The following SIGLEC8 variants were observed in gnomAD, a reference collection of about 807,000 sequenced individuals.
SIGLEC8 encodes the protein sialic acid-binding Ig-like lectin 8.
In SIGLEC8, 32 loss-of-function variants were observed where a neutral mutation model predicts 42.1. The ratio of observed to expected loss-of-function variants is 0.76; its 90% CI spans 0.57 to 1.02. SIGLEC8 has a LOEUF of 1.02. Ranked by LOEUF, SIGLEC8 falls within the 50% of genes least tolerant of loss-of-function variation. The probability of loss-of-function intolerance (pLI) is 0.00; values close to 1 mark genes in which losing one functional copy is unlikely to be tolerated. For synonymous variants in SIGLEC8, 262 were observed against 260.3 expected (o/e 1.01, Z -0.06); for missense variants, 611 against 610.2 (o/e 1.00, Z -0.01).
chr19:51,453,221 T>C (rs1480736719), intron 6 of SIGLEC8, among the ~76,000 whole-genome samples: 3 of 151,906 alleles, frequency 2.0e-5, no homozygotes, highest in African/African-American at 7.3e-5. Flanking sequence ...CCCAAGTAGC[T>C]GGGACTGCAG....
chr19:51,454,219 C>T lies in SIGLEC8; in HGVS notation c.1245G>A (p.Gln415=). ...DAKAIRGSAS[Q]GPLTESWKDG... is the part of the protein sequence containing the mutation. ...GTGTGGAGAAGCCCACATCACTCAC[C>T]TGAGAGGCCGAGCCCCTGATGGCCT... The change falls in exon 6 of 7, where the codon CAG becomes CAA. Residue 415 remains glutamine (Q), a splice_region_variant and synonymous_variant. Transcript: ENST00000321424. This position sits in a 1 kb window ranked among gnomAD's most constrained non-coding sequence, Gnocchi z 4.7. The T allele has an allele frequency of 6.2e-7, 1 of 1,614,118 alleles. No individual in the cohort carries two copies. The highest frequency in any genetic ancestry group is 1.3e-5 in the African/African-American group (1 of 75,050).
chr19:51,454,742 C>T lies in SIGLEC8; in HGVS notation c.1090G>A (p.Val364Ile), dbSNP rs1246908075. ...RPVSQVTLAAVGGAGATALAF... is the reference protein window; with the variant it reads ...RPVSQVTLAAIGGAGATALAF... ...AGGGCTGTGGCTCCAGCTCCCCCGA[C>T]TGCTGCCAGTGTCACTTGTGATACA... The change falls in exon 5 of 7, where the codon GTC becomes ATC. Residue 364 changes from valine to isoleucine, a missense_variant. By Grantham distance (29) the Val-to-Ile change is conservative (BLOSUM62 3). Coordinates refer to ENST00000321424, the MANE Select transcript of SIGLEC8 (RefSeq NM_014442.3). This position sits in a 1 kb window ranked among gnomAD's most constrained non-coding sequence, Gnocchi z 4.7. 6.2e-7 allele frequency: 1 copy of T among 1,613,760 alleles called. No homozygotes were observed. Among genetic ancestry groups the T allele is most frequent in the Admixed American group, 1.7e-5 (1 of 60,010 alleles).
At chr19:51,455,895 A>G (rs1490509189) in intron 3 of SIGLEC8, among the ~76,000 whole-genome samples, 5 of 152,216 alleles carry the variant, frequency 3.3e-5, no homozygotes. Flanking sequence ...CTATGCAGCC[A>G]CAAAAAATGA....
chr19:51,454,174 G>A lies in SIGLEC8; in HGVS notation c.1245+45C>T. On this transcript the variant is annotated intron_variant, in intron 6 of 6. Transcript: ENST00000321424. This position sits in a 1 kb window ranked among gnomAD's most constrained non-coding sequence, Gnocchi z 4.7. The stretch of plus-strand genomic sequence containing the variant: ...GATCCTGGGGGCCATCCTGTCAGAG[G>A]TGTCCAGGCTGGATGCTCGGTGTGG... 1 of 1,612,528 alleles carries A rather than the reference G, an allele frequency of 6.2e-7. No individual in the cohort carries two copies. The highest frequency in any genetic ancestry group is 1.3e-5 in the African/African-American group (1 of 74,932).
rs1989375047 is a variant in SIGLEC8, at chr19:51,452,072, AT to A, written c.*306del. 1 of 223,322 alleles carries A rather than the reference AT, an allele frequency of 4.5e-6. No individual in the cohort carries two copies. Among genetic ancestry groups the A allele is most frequent in the African/African-American group, 2.3e-5 (1 of 44,276 alleles). The allele number at this position is 223,322 out of a possible 1,614,324, so 13.8% of individuals were successfully genotyped here. On this transcript the variant is annotated 3_prime_UTR_variant, in exon 7 of 7. Transcript: ENST00000321424. ...AACTCCATCTCTCAAAGAAAAAAAA[AT>A]ATTCAGTGCTTGATTCTGTCATTTG...
Position 51,452,548 on chromosome 19 carries a change from T to C in SIGLEC8, c.1331A>G (p.Glu444Gly). ...AVAPSSGEEG[E>G]LHYATLSFHK... Reference sequence around the variant, plus strand: ...GAAGCTGAGGGTTGCATAATGGAGCTCTCCTTCCTCCCCTGACGAGGGGGC... The same window carrying C: ...GAAGCTGAGGGTTGCATAATGGAGCCCTCCTTCCTCCCCTGACGAGGGGGC... The change falls in exon 7 of 7, where the codon GAG becomes GGG. Residue 444 changes from glutamate (E) to glycine (G), a missense_variant. By Grantham distance (98) the Glu-to-Gly change is moderately conservative. Transcript: ENST00000321424. The C allele has an allele frequency of 1.3e-6, 2 of 1,592,276 alleles. No homozygotes were observed. Among genetic ancestry groups the C allele is most frequent in the Non-Finnish European group, 1.7e-6 (2 of 1,162,398 alleles).
chr19:51,458,194 T>G lies in SIGLEC8; in HGVS notation c.194A>C (p.Tyr65Ser). The G allele has an allele frequency of 6.2e-7, 1 of 1,614,028 alleles. No homozygotes were observed. Among genetic ancestry groups the G allele is most frequent in the Non-Finnish European group, 8.5e-7 (1 of 1,179,982 alleles). ...TGGTCTGTCTCCTGCCCGGAACCAGTAGCCATGAACTGGGTCAGAGTCAGT... is the reference window on the plus strand; with the variant it reads ...TGGTCTGTCTCCTGCCCGGAACCAGGAGCCATGAACTGGGTCAGAGTCAGT... ...GWTDSDPVHG[Y>S]WFRAGDRPYQ... Residue 65 changes from tyrosine to serine, a missense_variant, in exon 1 of 7, where the codon TAC (tyrosine) becomes TCC (serine). Coordinates refer to ENST00000321424, the MANE Select transcript of SIGLEC8 (RefSeq NM_014442.3).
chr19:51,451,043 C>CG lies in SIGLEC8; in HGVS notation c.*1335dup, dbSNP rs1380332948. On this transcript the variant is annotated 3_prime_UTR_variant, in exon 7 of 7. Transcript: ENST00000321424. ...GTAATTGACTCACAGTTCCACATGG[C>CG]GGGGGAGGCCTCAGGAAACTTACAA... 6.6e-6 allele frequency: 1 copy of CG among 152,120 alleles called. No individual in the cohort carries two copies. Among genetic ancestry groups the CG allele is most frequent in the Non-Finnish European group, 1.5e-5 (1 of 68,042 alleles). The allele number at this position is 152,120 out of a possible 1,614,324, so 9.4% of individuals were successfully genotyped here.
rs1264129298 is a variant in SIGLEC8 at position 51,456,261 on chromosome 19, A to C, written c.782-574T>G. Among the ~76,000 whole-genome samples, 20 of 152,168 alleles carry C rather than the reference A, an allele frequency of 1.3e-4. 1 individual carries two copies. The highest frequency in any genetic ancestry group is 1.3e-3 in the Admixed American group (20 of 15,268). ...AAGGAGACAGAGGGTCAGAGAGACAAATGGATCCAGAGAAAGAGGAAGGAC... is the reference window on the plus strand; with the variant it reads ...AAGGAGACAGAGGGTCAGAGAGACACATGGATCCAGAGAAAGAGGAAGGAC... On this transcript the variant is annotated intron_variant, in intron 3 of 6. Coordinates refer to ENST00000321424, the MANE Select transcript of SIGLEC8 (RefSeq NM_014442.3).
chr19:51,453,745 A>G (rs1989423727), intron 6 of SIGLEC8: 5 of 984,158 alleles, frequency 5.1e-6, no homozygotes, highest in Non-Finnish European at 6.0e-6. Context: ...ATTATGATAC[A>G]ACGGGCAAAA....
At chr19:51,457,386 C>T (rs1989519582) in intron 2 of SIGLEC8, 75 bp downstream of exon 2, 1 of 1,574,770 alleles carries the variant, frequency 6.4e-7, no homozygotes, top group Admixed American at 1.7e-5. Flanking sequence ...AGTGTCCAGG[C>T]TTGAACCCCA....
Position 51,454,811 on chromosome 19 carries a change from T to A in SIGLEC8, c.1052-31A>T. On this transcript the variant is annotated intron_variant, in intron 4 of 6. Transcript: ENST00000321424. This position sits in a 1 kb window ranked among gnomAD's most constrained non-coding sequence, Gnocchi z 4.7. ...GATGGATTGGAGTTGCTTTGGGGAT[T>A]TATATCACGGAGAAGTGGGTCTCTT... The A allele has an allele frequency of 6.5e-7, 1 of 1,547,594 alleles. No individual in the cohort carries two copies. The highest frequency in any genetic ancestry group is 8.9e-7 in the Non-Finnish European group (1 of 1,119,780).
In SIGLEC8 at chr19:51,452,398, C is replaced by G. The variant is rs1450962694; in HGVS notation, c.1481G>C (p.Ser494Thr). ...QACLRNHNPSSKEVRG is the reference protein window; with the variant it reads ...QACLRNHNPSTKEVRG ...TGAGAATCAGCCTCTGACTTCTTTG[C>G]TGGAGGGGTTGTGATTCCTCAAACA... The change falls in exon 7 of 7, where the codon AGC (serine) becomes ACC (threonine). Residue 494 changes from serine to threonine, a missense_variant. By Grantham distance (58) the Ser-to-Thr change is moderately conservative. Coordinates refer to ENST00000321424, the MANE Select transcript of SIGLEC8 (RefSeq NM_014442.3). 1 of 1,603,270 alleles carries G rather than the reference C, an allele frequency of 6.2e-7. No individual in the cohort carries two copies. The highest frequency in any genetic ancestry group is 2.2e-5 in the East Asian group (1 of 44,534).
At position 51,452,297 on chromosome 19, in the gene SIGLEC8, A is replaced by G; in HGVS notation, c.*82T>C. The G allele has an allele frequency of 7.9e-7, 1 of 1,271,444 alleles. No individual in the cohort carries two copies. Among genetic ancestry groups the G allele is most frequent in the Non-Finnish European group, 1.1e-6 (1 of 921,950 alleles). 78.8% of individuals were successfully genotyped at this position (1,271,444 alleles called of 1,614,324 possible). A position where few individuals can be genotyped will look rare whatever the true frequency, so the allele number is the denominator to read the frequency against. On this transcript the variant is annotated 3_prime_UTR_variant, in exon 7 of 7. Transcript: ENST00000321424. ...CCGGGGAAAGGGGAGACATTGGTCC[A>G]AGTTTTGGTTAGACAGGAGGAGGGA... is the stretch of plus-strand genomic sequence containing the variant.
At position 51,454,414 on chromosome 19, in the gene SIGLEC8, T is replaced by A; in HGVS notation, c.1149-99A>T. ...TATTTCCTACTGGGGGCTTGAGGGG[T>A]GACCGAGGCGCAACGGCGGTGGTCC... On this transcript the variant is annotated intron_variant, in intron 5 of 6. Coordinates refer to ENST00000321424, the MANE Select transcript of SIGLEC8 (RefSeq NM_014442.3). The surrounding 1 kb of genome is among the most constrained non-coding windows in gnomAD (Gnocchi z 4.7). 6.2e-7 allele frequency: 1 copy of A among 1,603,474 alleles called. No individual in the cohort carries two copies. The highest frequency in any genetic ancestry group is 2.2e-5 in the East Asian group (1 of 44,786).
At chr19:51,455,244 C>T (rs909838745) in intron 4 of SIGLEC8, among the ~76,000 whole-genome samples, 174 bp downstream of exon 4, 5 of 152,188 alleles carry the variant, frequency 3.3e-5, no homozygotes, top group African/African-American at 9.7e-5. Flanking sequence ...CTCCCCACCC[C>T]GCACCCCTTT....
In SIGLEC8 at chr19:51,457,710, G is replaced by C; in HGVS notation, c.484C>G (p.Leu162Val). The C allele has an allele frequency of 6.3e-7, 1 of 1,593,240 alleles. No individual in the cohort carries two copies. The highest frequency in any genetic ancestry group is 8.5e-7 in the Non-Finnish European group (1 of 1,170,984). The change falls in exon 2 of 7, where the codon CTA (leucine) becomes GTA (valine). Residue 162 changes from leucine (L) to valine (V), a missense_variant. Leu to Val is a conservative substitution (Grantham distance 32). Transcript: ENST00000321424. ...GAGTGGCCAGACTCTAGGGTCCCTA[G>C]GATGAGGATGTCAGGCCTATGGGTC... ...ALTHRPDILI[L>V]GTLESGHSRN...
intron 2 of SIGLEC8, 76 bp downstream of exon 2, chr19:51,457,385 G>A: frequency 1.9e-6 from 3 of 1,570,380 alleles, no homozygotes; most frequent in Non-Finnish European, 2.6e-6. Flanking sequence ...CAGTGTCCAG[G>A]CTTGAACCCC....
rs922584983 is a variant in SIGLEC8, at chr19:51,454,984, A to C, written c.1052-204T>G. 1.3e-5 allele frequency among the ~76,000 whole-genome samples: 2 copies of C among 152,152 alleles called. No homozygotes were observed. The highest frequency in any genetic ancestry group is 4.8e-5 in the African/African-American group (2 of 41,436). On this transcript the variant is annotated intron_variant, in intron 4 of 6. Coordinates refer to ENST00000321424, the MANE Select transcript of SIGLEC8 (RefSeq NM_014442.3). The surrounding 1 kb of genome is among the most constrained non-coding windows in gnomAD (Gnocchi z 4.7). ...GATGCAGCTTGTCTTGCCTTTATTTACAATTTTGATATTGTGTTCTTGTGG... is the reference window on the plus strand; with the variant it reads ...GATGCAGCTTGTCTTGCCTTTATTTCCAATTTTGATATTGTGTTCTTGTGG...
Sources: allele counts gnomAD v4.1 joint callset (sites outside exome capture counted in the v4.1 genomes callset), GRCh38; gene constraint gnomAD v4.1.1; non-coding constraint Gnocchi (gnomAD v3.1); transcripts MANE v1.5; gene names NCBI Gene and HGNC (gene_info 2026-07-23, HGNC 2026-07-21).